Variants in MSH3 observed in about 807,000 individuals in gnomAD.
MSH3 encodes the protein mutS homolog 3, also known as DNA mismatch repair protein Msh3.
Under a neutral mutation model 123.3 loss-of-function variants are expected in MSH3, and 106 were observed. The ratio of observed to expected loss-of-function variants is 0.86; its 90% CI spans 0.73 to 1.01. MSH3 has a LOEUF of 1.01. Ranked by LOEUF, MSH3 falls within the 50% of genes least tolerant of loss-of-function variation. MSH3 has a pLI of 0.00. For missense variants in MSH3, 1,459 were observed against 1,347.6 expected, an observed-to-expected ratio of 1.08 and a Z score of -1.29; for synonymous variants, 515 against 481.4, an observed-to-expected ratio of 1.07 and a Z score of -0.91.
At position 80,662,784 on chromosome 5, in the gene MSH3, G is replaced by A. The variant is rs143338322; in HGVS notation, c.359-2359G>A. 6.6e-3 allele frequency among the ~76,000 whole-genome samples: 999 copies of A among 151,304 alleles called. 10 individuals are homozygous for A. Among genetic ancestry groups the A allele is most frequent in the African/African-American group, 0.023 (943 of 41,148 alleles). Reference sequence around the variant, plus strand: ...AGAGGTTGCAGTGAGCCGAGATCGCGCCATTGCACTCCAGCCTGGGTGACA... The same window carrying A: ...AGAGGTTGCAGTGAGCCGAGATCGCACCATTGCACTCCAGCCTGGGTGACA... On this transcript the variant is annotated intron_variant, in intron 2 of 23. Transcript: ENST00000265081.
intron 17 of MSH3, among the ~76,000 whole-genome samples, chr5:80,784,170 A>G (rs759068932): frequency 2.8e-5 from 4 of 141,196 alleles, no homozygotes; most frequent in Non-Finnish European, 4.5e-5. Flanking sequence ...AGATCATGCC[A>G]CTACACTCCA....
intron 2 of MSH3, among the ~76,000 whole-genome samples, chr5:80,663,990 G>A (rs1019683596): frequency 2.0e-5 from 3 of 152,120 alleles, no homozygotes; most frequent in African/African-American, 7.2e-5. Flanking sequence ...ACATTTAATA[G>A]CACCAACCTA....
At chr5:80,850,307 G>T (rs1373888173) in intron 20 of MSH3, among the ~76,000 whole-genome samples, 1 of 152,124 alleles carries the variant, frequency 6.6e-6, no homozygotes, top group Non-Finnish European at 1.5e-5. Context: ...TGCAACCTCT[G>T]TCTGTTTCCC....
chr5:80,752,082 G>A (rs1003728295), intron 12 of MSH3, among the ~76,000 whole-genome samples: 8 of 152,036 alleles, frequency 5.3e-5, no homozygotes, highest in African/African-American at 1.9e-4. Flanking sequence ...ATCTGTCCAG[G>A]TGAAGGTATG....
At chr5:80,655,234 A>G in intron 1 of MSH3, 3 of 326,234 alleles carry the variant, frequency 9.2e-6, no homozygotes, top group Non-Finnish European at 1.7e-5. Context: ...CCTGACTCCC[A>G]TTCTGATGAG....
intron 20 of MSH3, among the ~76,000 whole-genome samples, chr5:80,843,931 C>A (rs1357063602): frequency 6.6e-6 from 1 of 151,370 alleles, no homozygotes; most frequent in East Asian, 2.0e-4. Flanking sequence ...TATTTCTTGC[C>A]TTCTGCTTGC....
chr5:80,769,470 G>A (rs934241937), intron 15 of MSH3, among the ~76,000 whole-genome samples: 3 of 152,136 alleles, frequency 2.0e-5, no homozygotes, highest in Middle Eastern at 3.4e-3. Context: ...ACTACAGTTA[G>A]TGAGTCTTCC....
chr5:80,703,125 C>G (rs1198101767), intron 8 of MSH3, among the ~76,000 whole-genome samples: 1 of 152,138 alleles, frequency 6.6e-6, no homozygotes, highest in Non-Finnish European at 1.5e-5. Flanking sequence ...GAGGTGATTA[C>G]AATTATTATT....
intron 8 of MSH3, among the ~76,000 whole-genome samples, chr5:80,691,638 C>T (rs1580564133): frequency 6.7e-6 from 1 of 150,022 alleles, no homozygotes; most frequent in Non-Finnish European, 1.5e-5. Context: ...CAGAAACTGA[C>T]AAGCTGCTTT....
intron 20 of MSH3, among the ~76,000 whole-genome samples, chr5:80,817,155 G>A (rs1427868144): frequency 2.6e-5 from 4 of 152,210 alleles, no homozygotes; most frequent in African/African-American, 9.6e-5. Context: ...AACAAAGGAG[G>A]TGTAGCCAGA....
At chr5:80,698,550 G>C (rs1359616404) in intron 8 of MSH3, among the ~76,000 whole-genome samples, 1 of 152,186 alleles carries the variant, frequency 6.6e-6, no homozygotes, top group African/African-American at 2.4e-5. Context: ...AGGTGGAGGT[G>C]TGAGAGAGCG....
intron 8 of MSH3, among the ~76,000 whole-genome samples, chr5:80,710,218 C>T (rs371507993): frequency 2.5e-4 from 38 of 152,232 alleles, no homozygotes; most frequent in African/African-American, 8.7e-4. Context: ...GACTGAGGCT[C>T]AGAGATGTTA....
intron 13 of MSH3, among the ~76,000 whole-genome samples, chr5:80,765,653 T>C (rs1433986878): frequency 6.6e-6 from 1 of 152,256 alleles, no homozygotes; most frequent in Non-Finnish European, 1.5e-5. Flanking sequence ...TTTCCTGAGC[T>C]GTCTTCTAGA....
At chr5:80,720,149 A>G (rs1751050675) in intron 8 of MSH3, among the ~76,000 whole-genome samples, 1 of 152,066 alleles carries the variant, frequency 6.6e-6, no homozygotes, top group Non-Finnish European at 1.5e-5. Flanking sequence ...AGGGTAAAAC[A>G]TTGCGGTTAA....
intron 19 of MSH3, among the ~76,000 whole-genome samples, chr5:80,807,202 A>AG (rs546625748): frequency 6.6e-6 from 1 of 151,790 alleles, no homozygotes; most frequent in African/African-American, 2.4e-5. Flanking sequence ...AAAAAAAAAA[A>AG]AAAAAAAAAG....
intron 19 of MSH3, among the ~76,000 whole-genome samples, chr5:80,802,279 TTAAGA>T (rs1449830936): frequency 6.6e-6 from 1 of 152,046 alleles, no homozygotes; most frequent in Non-Finnish European, 1.5e-5. Flanking sequence ...TTAAAAAGTC[TTAAGA>T]TAACTTTTAA....
chr5:80,720,132 T>G (rs1033135661), intron 8 of MSH3, among the ~76,000 whole-genome samples: 10 of 152,218 alleles, frequency 6.6e-5, no homozygotes, highest in Non-Finnish European at 1.3e-4. Context: ...ATTACTCTAT[T>G]GTCTGTAGGG....
intron 20 of MSH3, among the ~76,000 whole-genome samples, chr5:80,828,449 A>G (rs1745358991): frequency 2.0e-5 from 3 of 152,192 alleles, no homozygotes; most frequent in Non-Finnish European, 1.5e-5. Context: ...TGAGTTTTAG[A>G]GGGGACAAAC....
At chr5:80,828,788 A>G (rs1157469497) in intron 20 of MSH3, among the ~76,000 whole-genome samples, 1 of 152,166 alleles carries the variant, frequency 6.6e-6, no homozygotes, top group Non-Finnish European at 1.5e-5. Context: ...CTCCAGAGTA[A>G]TCTTCCTTGG....
Sources: allele counts gnomAD v4.1 joint callset (sites outside exome capture counted in the v4.1 genomes callset), GRCh38; gene constraint gnomAD v4.1.1; transcripts MANE v1.5; gene names NCBI Gene and HGNC (gene_info 2026-07-23, HGNC 2026-07-21).